The following HTR3B variants were observed in gnomAD, a reference collection of about 807,000 sequenced individuals.
HTR3B encodes 5-hydroxytryptamine (serotonin) receptor 3B, ionotropic.
HTR3B carries 44 observed loss-of-function variants against 42.8 expected under a neutral mutation model. The ratio of observed to expected loss-of-function variants is 1.03; its 90% CI spans 0.81 to 1.32. The LOEUF is 1.32. Ranked by LOEUF, HTR3B falls within the 40% of genes most tolerant of loss-of-function variation. HTR3B has a pLI of 0.00. For synonymous variants in HTR3B, 203 were observed against 209.0 expected (o/e 0.97, Z 0.25); for missense variants, 527 against 536.5 (o/e 0.98, Z 0.17).
intron 2 of HTR3B, among the ~76,000 whole-genome samples, chr11:113,917,901 C>T (rs747816504): frequency 1.3e-5 from 2 of 152,178 alleles, no homozygotes; most frequent in Non-Finnish European, 2.9e-5. Flanking sequence ...CTGTGCCCAG[C>T]CTATATGTCT....
At chr11:113,937,681 G>A (rs1055369563) in intron 6 of HTR3B, among the ~76,000 whole-genome samples, 1 of 152,200 alleles carries the variant, frequency 6.6e-6, no homozygotes, top group African/African-American at 2.4e-5. Context: ...CTTGAACCCA[G>A]GCAACTTGAC....
chr11:113,941,565 T>G (rs1193276632), intron 6 of HTR3B, among the ~76,000 whole-genome samples: 1 of 152,134 alleles, frequency 6.6e-6, no homozygotes, highest in Non-Finnish European at 1.5e-5. Context: ...CGGCCTCCAC[T>G]GAGACGCACT....
rs118122845 is a variant in HTR3B, at chr11:113,918,553, T to C, written c.213+9098T>C. 4.9e-3 allele frequency among the ~76,000 whole-genome samples: 753 copies of C among 152,190 alleles called. 11 individuals are homozygous for C. Among genetic ancestry groups the C allele is most frequent in the Non-Finnish European group, 5.8e-3 (397 of 68,026 alleles). On this transcript the variant is annotated intron_variant, in intron 2 of 8. Transcript: ENST00000260191. The stretch of plus-strand genomic sequence containing the variant: ...TTTTTCCTTTAGCATAATTCCCTTA[T>C]GGTCCATCTGTGTTGTTGTGAACGC...
intron 8 of HTR3B, among the ~76,000 whole-genome samples, chr11:113,945,146 CTT>C (rs1453084035): frequency 6.6e-6 from 1 of 151,868 alleles, no homozygotes; most frequent in Non-Finnish European, 1.5e-5. Context: ...CTCAGTTACT[CTT>C]TGTTTTGACA....
intron 2 of HTR3B, 102 bp from the exon 3 acceptor site, chr11:113,931,281 TG>T: frequency 1.2e-6 from 1 of 806,736 alleles, no homozygotes; most frequent in Non-Finnish European, 2.1e-6. Flanking sequence ...CAGCATTATT[TG>T]GTTAGATTTG....
chr11:113,924,766 T>C (rs2137510182), intron 2 of HTR3B, among the ~76,000 whole-genome samples: 1 of 152,224 alleles, frequency 6.6e-6, no homozygotes, highest in South Asian at 2.1e-4. Flanking sequence ...CTCCAAGTTG[T>C]TCCTTGGGGA....
In HTR3B at chr11:113,933,052, C is replaced by T; in HGVS notation, c.655C>T (p.Leu219=). ...LLSVSSTYSI[L]QSSAGGFAQI... ...ATCTGTGTCCTCCACATACAGCATC[C>T]TGCAGAGCAGCGCTGGAGGATTTGC... Residue 219 remains leucine (L), a synonymous_variant, in exon 6 of 9, where the codon CTG becomes TTG. Transcript: ENST00000260191. 1.2e-6 allele frequency: 2 copies of T among 1,614,170 alleles called. No individual in the cohort carries two copies. The highest frequency in any genetic ancestry group is 2.2e-5 in the South Asian group (2 of 91,078).
At chr11:113,918,005 A>G (rs1400726131) in intron 2 of HTR3B, among the ~76,000 whole-genome samples, 2 of 152,070 alleles carry the variant, frequency 1.3e-5, no homozygotes, top group Non-Finnish European at 2.9e-5. Flanking sequence ...CTTGCTTCCC[A>G]CATGGCATAT....
intron 1 of HTR3B, 110 bp from the exon 2 acceptor site, chr11:113,909,185 G>C (rs1949758202): frequency 1.2e-6 from 1 of 831,188 alleles, no homozygotes; most frequent in African/African-American, 1.7e-5. Flanking sequence ...ATTTTGGTGA[G>C]CTGAAAGCTA....
chr11:113,916,899 C>T (rs1479439281), intron 2 of HTR3B, among the ~76,000 whole-genome samples: 1 of 151,988 alleles, frequency 6.6e-6, no homozygotes, highest in Non-Finnish European at 1.5e-5. Flanking sequence ...CCTTACATTT[C>T]TTTTTCGCTT....
rs369906053 is a variant in HTR3B at position 113,909,465 on chromosome 11, A to G, written c.213+10A>G. On this transcript the variant is annotated intron_variant, in intron 2 of 8. Coordinates refer to ENST00000260191, the MANE Select transcript of HTR3B (RefSeq NM_006028.5). The stretch of plus-strand genomic sequence containing the variant: ...TGCTATATTGGATGTGGTAAGGACC[A>G]TCTTGCCCCTTCCTATTCTTGTTAA... 5.0e-6 allele frequency: 8 copies of G among 1,609,854 alleles called. No individual in the cohort carries two copies. Among genetic ancestry groups the G allele is most frequent in the Non-Finnish European group, 5.9e-6 (7 of 1,177,576 alleles).
At chr11:113,931,237 A>G in intron 2 of HTR3B, 147 bp from the exon 3 acceptor site, 2 of 606,734 alleles carry the variant, frequency 3.3e-6, no homozygotes, top group South Asian at 2.0e-5. Context: ...GAGAATGCCT[A>G]GGTATTGAAG....
rs748343438 is a variant in HTR3B, at chr11:113,943,054, G to T, written c.769G>T (p.Asp257Tyr). ...LIPSIFLMLV[D>Y]LGSFYLPPNC... ...TCCTAGCATCTTTCTCATGCTGGTG[G>T]ACCTGGGGAGCTTCTACCTGCCACC... The change falls in exon 7 of 9, where the codon GAC becomes TAC. Residue 257 changes from aspartate (D) to tyrosine (Y), a missense_variant. Physicochemically the swap from Asp to Tyr is radical, Grantham distance 160 (BLOSUM62 -3). Transcript: ENST00000260191. The T allele has an allele frequency of 1.1e-5, 18 of 1,614,066 alleles. 1 individual carries two copies. The South Asian group carries it at 2.0e-4, about 18-fold the overall frequency.
rs1432064806 is a variant in HTR3B, at chr11:113,934,281, G to A, written c.696+1188G>A. The stretch of plus-strand genomic sequence containing the variant: ...GTGTGCATGAGAATCGCTTGAAGCC[G>A]GGAGGTGGAGGTTGCAGTGAGCCAA... On this transcript the variant is annotated intron_variant, in intron 6 of 8. Coordinates refer to ENST00000260191, the MANE Select transcript of HTR3B (RefSeq NM_006028.5). 3.9e-5 allele frequency among the ~76,000 whole-genome samples: 6 copies of A among 152,066 alleles called. No individual in the cohort carries two copies. In the South Asian group the frequency reaches 1.0e-3, roughly 26 times the overall value.
intron 4 of HTR3B, 150 bp from the exon 5 acceptor site, chr11:113,932,139 A>G (rs970326730): frequency 2.9e-6 from 2 of 680,180 alleles, no homozygotes; most frequent in South Asian, 1.8e-5. Flanking sequence ...CATCTTTGCC[A>G]GGGTGAATCA....
At chr11:113,938,954 C>A in intron 6 of HTR3B, among the ~76,000 whole-genome samples, 1 of 151,498 alleles carries the variant, frequency 6.6e-6, no homozygotes, top group East Asian at 2.0e-4. Flanking sequence ...GAGATTGCGT[C>A]ATTGTACTCC....
chr11:113,905,243 A>G (rs1949726425), intron 1 of HTR3B, among the ~76,000 whole-genome samples: 1 of 152,218 alleles, frequency 6.6e-6, no homozygotes, highest in African/African-American at 2.4e-5. Context: ...CTGAAATGTT[A>G]TAATTGCTTG....
chr11:113,905,119 T>C, intron 1 of HTR3B, 134 bp downstream of exon 1: 1 of 635,788 alleles, frequency 1.6e-6, no homozygotes, highest in East Asian at 2.8e-5. Flanking sequence ...ATGCCAGTCC[T>C]GTGAAGCTAT....
intron 6 of HTR3B, among the ~76,000 whole-genome samples, chr11:113,940,709 C>T (rs1390549889): frequency 6.6e-6 from 1 of 152,202 alleles, no homozygotes; most frequent in African/African-American, 2.4e-5. Flanking sequence ...TGCTCCCAGA[C>T]CCAATGGCTG....
Sources: allele counts gnomAD v4.1 joint callset (sites outside exome capture counted in the v4.1 genomes callset), GRCh38; gene constraint gnomAD v4.1.1; transcripts MANE v1.5; gene names NCBI Gene and HGNC (gene_info 2026-07-23, HGNC 2026-07-21).